The following GAREM2 variants were observed in gnomAD, a reference collection of about 807,000 sequenced individuals.
The protein encoded by GAREM2 is GRB2-associated and regulator of MAPK protein 2.
Under a neutral mutation model 55.6 loss-of-function variants are expected in GAREM2, and 30 were observed. The observed-to-expected ratio is 0.54, with a 90% confidence interval of 0.40 to 0.73. GAREM2 has a LOEUF of 0.73. Ranked by LOEUF, GAREM2 falls within the 30% of genes least tolerant of loss-of-function variation. The pLI is 0.00. For synonymous variants in GAREM2, 550 were observed against 569.1 expected, an observed-to-expected ratio of 0.97 and a Z score of 0.48; for missense variants, 1,075 against 1,257.7, an observed-to-expected ratio of 0.85 and a Z score of 2.20.
At chr2:26,191,125 G>C (rs1669482954), downstream of GAREM2, 8 of 949,842 alleles carry the variant, frequency 8.4e-6, no homozygotes, top group South Asian at 1.1e-4. Context: ...TTTAATCAGG[G>C]AGCAAACCCA....
chr2:26,185,129 C>T lies in GAREM2; in HGVS notation c.1281C>T (p.Ile427=), dbSNP rs936443862. ...APEPAAPPAE[I]PYEELWAHQG... Reference sequence around the variant, plus strand: ...AGCCCGCCGCGCCGCCCGCCGAGATCCCCTACGAGGAGTTGTGGGCGCACC... The same window carrying T: ...AGCCCGCCGCGCCGCCCGCCGAGATTCCCTACGAGGAGTTGTGGGCGCACC... The change falls in exon 4 of 6, where the codon ATC becomes ATT. Residue 427 remains isoleucine, a synonymous_variant. Coordinates refer to ENST00000401533, the MANE Select transcript of GAREM2 (RefSeq NM_001168241.2). The T allele has an allele frequency of 1.8e-5, 26 of 1,466,888 alleles. No individual in the cohort carries two copies. Among genetic ancestry groups the T allele is most frequent in the Non-Finnish European group, 2.3e-5 (26 of 1,117,344 alleles). The allele number at this position is 1,466,888 out of a possible 1,614,324, so 90.9% of individuals were successfully genotyped here. A position where few individuals can be genotyped will look rare whatever the true frequency, so the allele number is the denominator to read the frequency against.
the GAREM2 span, among the ~76,000 whole-genome samples, chr2:26,198,378 T>TC: frequency 1.3e-5 from 2 of 151,056 alleles, no homozygotes; most frequent in African/African-American, 4.9e-5. Context: ...TGTTTTTTTT[T>TC]TGTTTTTTTT....
chr2:26,195,049 G>C, the GAREM2 span: 1 of 1,531,874 alleles, frequency 6.5e-7, no homozygotes, highest in Non-Finnish European at 9.0e-7. Flanking sequence ...AGTCTTATTA[G>C]AACTTTTCAA....
downstream of GAREM2, chr2:26,194,557 G>A (rs756412088): frequency 1.0e-5 from 16 of 1,556,042 alleles, no homozygotes; most frequent in South Asian, 1.7e-4. Context: ...ACACTCTGGA[G>A]AGCAATACCA....
At chr2:26,178,933 G>A (rs1325989844) in intron 2 of GAREM2, among the ~76,000 whole-genome samples, 1 of 151,188 alleles carries the variant, frequency 6.6e-6, no homozygotes, top group African/African-American at 2.4e-5. Context: ...GGCGAAGGCC[G>A]GCGGGTTAAC....
chr2:26,184,430 C>T lies in GAREM2; in HGVS notation c.582C>T (p.Ser194=). Residue 194 remains serine, a synonymous_variant, in exon 4 of 6, where the codon AGC becomes AGT. Coordinates refer to ENST00000401533, the MANE Select transcript of GAREM2 (RefSeq NM_001168241.2). ...LAGVGGGGPA[S]AGAAGGTGGG... ...GGGTGGGCGGCGGCGGCCCAGCGAGCGCGGGGGCCGCGGGAGGCACTGGCG... is the reference window on the plus strand; with the variant it reads ...GGGTGGGCGGCGGCGGCCCAGCGAGTGCGGGGGCCGCGGGAGGCACTGGCG... 1.4e-6 allele frequency: 2 copies of T among 1,471,314 alleles called. No homozygotes were observed. Among genetic ancestry groups the T allele is most frequent in the East Asian group, 3.1e-5 (1 of 32,782 alleles). 91.1% of individuals were successfully genotyped at this position (1,471,314 alleles called of 1,614,324 possible).
intron 4 of GAREM2, among the ~76,000 whole-genome samples, chr2:26,185,930 C>CTTAA (rs1334643799): frequency 6.6e-5 from 10 of 152,078 alleles, no homozygotes; most frequent in African/African-American, 2.4e-4. Context: ...TGTTCTTTTT[C>CTTAA]TTAACATCCA....
At position 26,182,961 on chromosome 2, in the gene GAREM2, A is replaced by C. The variant is rs1244129220; in HGVS notation, c.254-6A>C. The C allele has an allele frequency of 1.9e-6, 3 of 1,551,596 alleles. No individual in the cohort carries two copies. The highest frequency in any genetic ancestry group is 2.4e-5 in the East Asian group (1 of 40,910). ...ACTCCAGCAACTTTTGTCACCCACTATGCAGGGAAGTTCAAGCTCCTGGAA... is the reference window on the plus strand; with the variant it reads ...ACTCCAGCAACTTTTGTCACCCACTCTGCAGGGAAGTTCAAGCTCCTGGAA... On this transcript the variant is annotated splice_polypyrimidine_tract_variant and splice_region_variant and intron_variant, in intron 2 of 5. Transcript: ENST00000401533.
chr2:26,177,628 G>C (rs1274589336), intron 2 of GAREM2, among the ~76,000 whole-genome samples: 1 of 152,100 alleles, frequency 6.6e-6, no homozygotes, highest in African/African-American at 2.4e-5. Context: ...ATAGGTGTGA[G>C]TCACTGGGCC....
At chr2:26,184,054 G>A (rs1348801457) in intron 3 of GAREM2, among the ~76,000 whole-genome samples, 179 bp from the exon 4 acceptor site, 1 of 152,274 alleles carries the variant, frequency 6.6e-6, no homozygotes, top group East Asian at 1.9e-4. Context: ...ACTCATTTAA[G>A]GTGGCACAGC....
chr2:26,185,372 G>T, intron 4 of GAREM2, 96 bp downstream of exon 4: 1 of 1,387,822 alleles, frequency 7.2e-7, no homozygotes, highest in Non-Finnish European at 9.3e-7. Context: ...CAGACGAGGT[G>T]TCTTCCTCGG....
chr2:26,201,524 C>A, the GAREM2 span, among the ~76,000 whole-genome samples: 7 of 152,152 alleles, frequency 4.6e-5, no homozygotes, highest in Non-Finnish European at 7.3e-5. Context: ...TGCTAGCATT[C>A]AAAGACATGT....
At chr2:26,197,758 A>C in the GAREM2 span, 2 of 1,535,430 alleles carry the variant, frequency 1.3e-6, no homozygotes, top group South Asian at 2.2e-5. Flanking sequence ...ACTGGCAAAG[A>C]TACAGTGATC....
downstream of GAREM2, chr2:26,192,359 C>G: frequency 6.2e-7 from 1 of 1,611,516 alleles, no homozygotes; most frequent in East Asian, 2.2e-5. Context: ...CTATCCATGT[C>G]AGAATTCAAA....
the GAREM2 span, chr2:26,201,049 A>G: frequency 1.1e-6 from 1 of 905,522 alleles, no homozygotes; most frequent in South Asian, 1.4e-5. Context: ...AGTCCTTTTT[A>G]TAAAAGCAAT....
In GAREM2 at chr2:26,186,275, G is replaced by A. The variant is rs1284959341; in HGVS notation, c.1515G>A (p.Pro505=). Residue 505 remains proline (P), a synonymous_variant, in exon 5 of 6, where the codon CCG becomes CCA. Coordinates refer to ENST00000401533, the MANE Select transcript of GAREM2 (RefSeq NM_001168241.2). ...NGSGRLSSSP[P]VPPRFPKLQP... Reference sequence around the variant, plus strand: ...GCGGCCGGCTCTCCAGCAGCCCCCCGGTTCCCCCTCGCTTCCCCAAGCTGC... The same window carrying A: ...GCGGCCGGCTCTCCAGCAGCCCCCCAGTTCCCCCTCGCTTCCCCAAGCTGC... 1.0e-5 allele frequency: 16 copies of A among 1,550,744 alleles called. No individual in the cohort carries two copies. The highest frequency in any genetic ancestry group is 1.4e-5 in the African/African-American group (1 of 73,058).
downstream of GAREM2, among the ~76,000 whole-genome samples, chr2:26,194,257 C>T (rs1669595984): frequency 6.6e-6 from 1 of 152,088 alleles, no homozygotes; most frequent in Admixed American, 6.5e-5. Flanking sequence ...TTGAACCAAG[C>T]GGGCCCTGTT....
At chr2:26,200,901 T>G in the GAREM2 span, among the ~76,000 whole-genome samples, 1 of 151,828 alleles carries the variant, frequency 6.6e-6, no homozygotes. Flanking sequence ...CCCGGCTAAT[T>G]TTTGTATTTT....
chr2:26,185,088 T>C lies in GAREM2; in HGVS notation c.1240T>C (p.Trp414Arg). The C allele has an allele frequency of 7.1e-7, 1 of 1,410,226 alleles. No individual in the cohort carries two copies. The highest frequency in any genetic ancestry group is 1.5e-5 in the South Asian group (1 of 67,800). The allele number at this position is 1,410,226 out of a possible 1,614,324, so 87.4% of individuals were successfully genotyped here. A position where few individuals can be genotyped will look rare whatever the true frequency, so the allele number is the denominator to read the frequency against. Residue 414 changes from tryptophan (W) to arginine (R), a missense_variant, in exon 4 of 6, where the codon TGG becomes CGG. Around this residue, in one of 6 missense-constraint regions of GAREM2, gnomAD observed 515 missense variants for 501.5 expected, o/e 1.03. Transcript: ENST00000401533. ...CGACCAGGAGTACGTGAGCCCCGACTGGGCAGCCGCGCCCGAGCCCGCCGC... is the reference window on the plus strand; with the variant it reads ...CGACCAGGAGTACGTGAGCCCCGACCGGGCAGCCGCGCCCGAGCCCGCCGC... Reference protein sequence around the residue: ...EGDQEYVSPDWAAAPEPAAPP... With the variant: ...EGDQEYVSPDRAAAPEPAAPP...
Sources: gnomAD v4.1 joint callset for allele counts (sites outside exome capture counted in the v4.1 genomes callset) on GRCh38, gnomAD v4.1.1 for gene constraint, gnomAD v4.1.1 regional missense constraint, MANE v1.5 for transcripts, NCBI Gene and HGNC (gene_info 2026-07-23, HGNC 2026-07-21) for gene names.